The following SLIT3 variants were observed in gnomAD, a reference collection of about 807,000 sequenced individuals.
SLIT3 encodes slit guidance ligand 3, also known as slit homolog 3 protein.
In SLIT3, 68 loss-of-function variants were observed where a neutral mutation model predicts 184.0. The observed-to-expected ratio is 0.37, with a 90% confidence interval of 0.30 to 0.45. The LOEUF is 0.45. SLIT3 is among the 20% of genes least tolerant of loss of function. The pLI is 1.00. For synonymous variants in SLIT3, 831 were observed against 828.6 expected (o/e 1.00, Z -0.05); for missense variants, 1,707 against 2,026.0 (o/e 0.84, Z 3.02).
chr5:169,225,730 G>A (rs1301188336), intron 3 of SLIT3, among the ~76,000 whole-genome samples: 1 of 152,190 alleles, frequency 6.6e-6, no homozygotes, highest in East Asian at 1.9e-4. Flanking sequence ...GGCGGCAGGG[G>A]GTGATTTCCC....
At position 168,755,868 on chromosome 5, in the gene SLIT3, C is replaced by T. The variant is rs117948662; in HGVS notation, c.1686-1861G>A. The stretch of plus-strand genomic sequence containing the variant: ...AGATGCTGCAGAGCCATTAGCACTG[C>T]GAGTTAGCAGTTCTCCCTGGCAGGG... On this transcript the variant is annotated intron_variant, in intron 16 of 35. Transcript: ENST00000519560. 4.4e-3 allele frequency among the ~76,000 whole-genome samples: 677 copies of T among 152,260 alleles called. 7 individuals carry two copies. The highest frequency in any genetic ancestry group is 0.015 in the African/African-American group (613 of 41,556).
intron 27 of SLIT3, 28 bp from the exon 28 acceptor site, chr5:168,696,459 G>C: frequency 6.2e-7 from 1 of 1,613,106 alleles, no homozygotes; most frequent in Non-Finnish European, 8.5e-7. Flanking sequence ...TGGAGAGCAG[G>C]GGAGTCAGGG....
intron 4 of SLIT3, among the ~76,000 whole-genome samples, chr5:168,915,649 CTTT>C (rs200015849): frequency 6.7e-6 from 1 of 148,770 alleles, no homozygotes; most frequent in African/African-American, 2.5e-5. Context: ...ATTATGCATT[CTTT>C]TTTTTTTGAA....
At chr5:169,069,287 G>A (rs566720913) in intron 4 of SLIT3, among the ~76,000 whole-genome samples, 2 of 152,318 alleles carry the variant, frequency 1.3e-5, no homozygotes, top group Non-Finnish European at 2.9e-5. Flanking sequence ...CCTTCCAGGT[G>A]CTCCCATTTC....
chr5:168,961,562 G>A (rs1443316055), intron 4 of SLIT3, among the ~76,000 whole-genome samples: 1 of 152,178 alleles, frequency 6.6e-6, no homozygotes. Context: ...TAGGAGTTTA[G>A]AGAAAATTGA....
chr5:169,064,054 A>C (rs1211377132), intron 4 of SLIT3, among the ~76,000 whole-genome samples: 1 of 152,234 alleles, frequency 6.6e-6, no homozygotes, highest in Non-Finnish European at 1.5e-5. Context: ...TATTTTCAAA[A>C]GGGAAGGGCT....
intron 11 of SLIT3, among the ~76,000 whole-genome samples, chr5:168,786,800 A>G (rs1227313812): frequency 2.6e-5 from 4 of 152,018 alleles, no homozygotes; most frequent in African/African-American, 7.2e-5. Context: ...GGCACTAGAG[A>G]AGCTCGGCTG....
At position 168,696,332 on chromosome 5, in the gene SLIT3, C is replaced by A; in HGVS notation, c.3042G>T (p.Gly1014=). 6.2e-6 allele frequency: 10 copies of A among 1,614,140 alleles called. No homozygotes were observed. Among genetic ancestry groups the A allele is most frequent in the Non-Finnish European group, 8.5e-6 (10 of 1,180,016 alleles). Residue 1014 remains glycine, a synonymous_variant, in exon 28 of 36, where the codon GGG becomes GGT. Transcript: ENST00000519560. ...DCENNATCVD[G]INNYVCICPP... ...GACAGATACACACGTAGTTGTTGATCCCGTCCACGCAGGTGGCATTGTTTT... is the reference window on the plus strand; with the variant it reads ...GACAGATACACACGTAGTTGTTGATACCGTCCACGCAGGTGGCATTGTTTT...
rs535963380 is a variant in SLIT3, at chr5:169,255,724, A to G, written c.198-4265T>C. On this transcript the variant is annotated intron_variant, in intron 1 of 35. Transcript: ENST00000519560. ...CGGTGAAACCCCGTCTCTACTAAAA[A>G]TACAAAAAATTAGCCGAGCGTGGTG... is the stretch of plus-strand genomic sequence containing the variant. Among the ~76,000 whole-genome samples the G allele has an allele frequency of 2.0e-5, 3 of 152,280 alleles. No homozygotes were observed. The East Asian group carries it at 5.8e-4, about 29-fold the overall frequency.
intron 4 of SLIT3, among the ~76,000 whole-genome samples, chr5:169,109,572 T>C (rs547091568): frequency 1.7e-3 from 265 of 152,330 alleles, no homozygotes; most frequent in Admixed American, 3.0e-3. Flanking sequence ...TAGCAACTTA[T>C]TATAGGGCAA....
intron 4 of SLIT3, among the ~76,000 whole-genome samples, chr5:168,891,352 C>T (rs1420574220): frequency 6.6e-6 from 1 of 152,066 alleles, no homozygotes; most frequent in Non-Finnish European, 1.5e-5. Context: ...GGGAGGCTGA[C>T]CTAGAAGGGT....
At chr5:169,086,198 CA>C (rs1759291483) in intron 4 of SLIT3, among the ~76,000 whole-genome samples, 1 of 152,164 alleles carries the variant, frequency 6.6e-6, no homozygotes, top group Non-Finnish European at 1.5e-5. Flanking sequence ...ATAGGCTAAC[CA>C]CCCCATTTTA....
intron 4 of SLIT3, among the ~76,000 whole-genome samples, chr5:169,076,103 G>A (rs1010945963): frequency 1.2e-4 from 18 of 152,214 alleles, no homozygotes; most frequent in Non-Finnish European, 2.9e-5. Flanking sequence ...GGACCCTCAG[G>A]GGGGTTTCAT....
chr5:169,130,972 A>T (rs1228381485), intron 4 of SLIT3, among the ~76,000 whole-genome samples: 1 of 152,194 alleles, frequency 6.6e-6, no homozygotes, highest in Non-Finnish European at 1.5e-5. Flanking sequence ...TGGTGAAAAA[A>T]AATCAAGAAA....
At chr5:169,098,683 G>A (rs1217895360) in intron 4 of SLIT3, among the ~76,000 whole-genome samples, 1 of 152,212 alleles carries the variant, frequency 6.6e-6, no homozygotes, top group East Asian at 1.9e-4. Context: ...TGTGTCAAAT[G>A]ACAGGAGGGT....
chr5:168,685,963 G>A (rs1311463043), intron 30 of SLIT3, 36 bp from the exon 31 acceptor site: 1 of 1,575,192 alleles, frequency 6.3e-7, no homozygotes, highest in Admixed American at 1.8e-5. Context: ...GGAGATAGGA[G>A]AATGGCCAAG....
rs558283140 is a variant in SLIT3, at chr5:169,254,496, T to A, written c.198-3037A>T. 6.0e-5 allele frequency among the ~76,000 whole-genome samples: 9 copies of A among 150,876 alleles called. No homozygotes were observed. The East Asian group carries it at 9.9e-4, about 17-fold the overall frequency. ...CATTTCTTTCTTTCTTTTTTTTTTT[T>A]AAATACACTTGCTATCAAGAGATGG... On this transcript the variant is annotated intron_variant, in intron 1 of 35. Transcript: ENST00000519560.
At chr5:169,183,938 A>G (rs1204876362) in intron 4 of SLIT3, among the ~76,000 whole-genome samples, 1 of 152,210 alleles carries the variant, frequency 6.6e-6, no homozygotes, top group Non-Finnish European at 1.5e-5. Flanking sequence ...AAAAAAATTT[A>G]AAAACAATTT....
intron 14 of SLIT3, among the ~76,000 whole-genome samples, chr5:168,764,907 C>A (rs1408672670): frequency 6.6e-6 from 1 of 152,214 alleles, no homozygotes; most frequent in Non-Finnish European, 1.5e-5. Context: ...TTCTTCCAGA[C>A]CCATCAGCGT....
Sources: allele counts gnomAD v4.1 joint callset (sites outside exome capture counted in the v4.1 genomes callset), GRCh38; gene constraint gnomAD v4.1.1; transcripts MANE v1.5; gene names NCBI Gene and HGNC (gene_info 2026-07-23, HGNC 2026-07-21).